The following AFG1L variants were observed in gnomAD, a reference collection of about 807,000 sequenced individuals.
The protein encoded by AFG1L is AFG1 like ATPase.
In AFG1L, 53 loss-of-function variants were observed where a neutral mutation model predicts 62.2. That is an observed-to-expected ratio of 0.85 (90% CI 0.68 to 1.07). AFG1L has a LOEUF of 1.07. Ranked by LOEUF, AFG1L falls within the 50% of genes least tolerant of loss-of-function variation. AFG1L has a pLI of 0.00. For missense variants in AFG1L, 555 were observed against 590.5 expected, an observed-to-expected ratio of 0.94 and a Z score of 0.62; for synonymous variants, 228 against 210.3, an observed-to-expected ratio of 1.08 and a Z score of -0.73.
chr6:108,479,728 A>C (rs1773257968), intron 10 of AFG1L, among the ~76,000 whole-genome samples: 1 of 152,206 alleles, frequency 6.6e-6, no homozygotes, highest in South Asian at 2.1e-4. Context: ...AATAATTGCC[A>C]AAAACCATTA....
At chr6:108,500,007 T>C (rs1774124734) in intron 10 of AFG1L, among the ~76,000 whole-genome samples, 1 of 152,156 alleles carries the variant, frequency 6.6e-6, no homozygotes, top group South Asian at 2.1e-4. Flanking sequence ...TATGTCCATG[T>C]GTACCCATTG....
At chr6:108,343,344 G>T (rs947762635) in intron 2 of AFG1L, among the ~76,000 whole-genome samples, 1 of 136,544 alleles carries the variant, frequency 7.3e-6, no homozygotes, top group African/African-American at 2.4e-5. Flanking sequence ...CACCACGCCC[G>T]GCCAACCTTT....
rs1478438542 is a variant in AFG1L, at chr6:108,477,292, A to G, written c.1062A>G (p.Arg354=). The G allele has an allele frequency of 2.5e-6, 4 of 1,591,658 alleles. No individual in the cohort carries two copies. Among genetic ancestry groups the G allele is most frequent in the Admixed American group, 1.7e-5 (1 of 57,774 alleles). The change falls in exon 10 of 13, where the codon AGA becomes AGG. Residue 354 remains arginine, a splice_region_variant and synonymous_variant. Coordinates refer to ENST00000368977, the MANE Select transcript of AFG1L (RefSeq NM_145315.5). ...GCACATTTGAAGAGCTGTGTGAGAG[A>G]GTAAGTATCCAGGCACGTCCAGACT... is the stretch of plus-strand genomic sequence containing the variant. The part of the protein sequence containing the change: ...ADCTFEELCE[R]PLGASDYLEL...
intron 6 of AFG1L, among the ~76,000 whole-genome samples, chr6:108,369,785 T>A (rs933613110): frequency 1.3e-5 from 2 of 152,072 alleles, no homozygotes; most frequent in Non-Finnish European, 2.9e-5. Context: ...ATTTTTGGTA[T>A]TTTTAGTAGA....
At chr6:108,314,461 A>T (rs1777518768) in intron 1 of AFG1L, among the ~76,000 whole-genome samples, 1 of 148,178 alleles carries the variant, frequency 6.7e-6, no homozygotes, top group South Asian at 2.1e-4. Context: ...CTGTGGTGCG[A>T]TCTAGGCTCA....
In AFG1L at chr6:108,525,953, G is replaced by A. The variant is rs1775300267; in HGVS notation, c.*3528G>A. 6.6e-6 allele frequency: 1 copy of A among 152,184 alleles called. No individual in the cohort carries two copies. The highest frequency in any genetic ancestry group is 6.5e-5 in the Admixed American group (1 of 15,282). 9.4% of individuals were successfully genotyped at this position (152,184 alleles called of 1,614,324 possible). ...TTGATCAGTTACGGGAATCTGTCTTGCAGCAAGTCTGTAAGTTACCTTTAT... is the reference window on the plus strand; with the variant it reads ...TTGATCAGTTACGGGAATCTGTCTTACAGCAAGTCTGTAAGTTACCTTTAT... On this transcript the variant is annotated 3_prime_UTR_variant, in exon 13 of 13. Coordinates refer to ENST00000368977, the MANE Select transcript of AFG1L (RefSeq NM_145315.5).
intron 2 of AFG1L, among the ~76,000 whole-genome samples, chr6:108,339,369 G>A (rs6922790): frequency 0.095 from 14,491 of 151,782 alleles, 1,941 homozygotes; most frequent in African/African-American, 0.3. Context: ...CAAACTCTTG[G>A]CCTCGAGTGA....
intron 8 of AFG1L, among the ~76,000 whole-genome samples, chr6:108,457,429 A>G (rs780451909): frequency 3.3e-5 from 5 of 152,032 alleles, no homozygotes; most frequent in Non-Finnish European, 7.4e-5. Context: ...CACTTGATGT[A>G]TAACATAAAA....
intron 6 of AFG1L, among the ~76,000 whole-genome samples, chr6:108,382,632 A>G (rs1269678133): frequency 6.6e-6 from 1 of 152,244 alleles, no homozygotes; most frequent in East Asian, 1.9e-4. Context: ...TAGTTCCTTA[A>G]TATGAATACC....
Position 108,354,497 on chromosome 6 carries a change from G to T in AFG1L, c.416-1157G>T, listed in dbSNP as rs559665396. ...TTTTTGTACTTTTAGTAGAGACAGG[G>T]TTTTGCCATGTTGACCAGGCCTGTC... On this transcript the variant is annotated intron_variant, in intron 3 of 12. Transcript: ENST00000368977. 1.4e-4 allele frequency among the ~76,000 whole-genome samples: 22 copies of T among 152,116 alleles called. No homozygotes were observed. The East Asian group carries it at 3.5e-3, about 24-fold the overall frequency.
chr6:108,388,643 T>C (rs1278905533), intron 6 of AFG1L, among the ~76,000 whole-genome samples: 3 of 151,520 alleles, frequency 2.0e-5, no homozygotes, highest in African/African-American at 7.3e-5. Context: ...TACCCAGTAG[T>C]CATTCAGGAG....
chr6:108,427,703 G>A (rs1434510275), intron 7 of AFG1L, among the ~76,000 whole-genome samples: 1 of 151,866 alleles, frequency 6.6e-6, no homozygotes, highest in Non-Finnish European at 1.5e-5. Context: ...TGTATTTTTA[G>A]TAGAGACAGG....
chr6:108,485,079 C>G (rs1430894982), intron 10 of AFG1L, among the ~76,000 whole-genome samples: 1 of 152,162 alleles, frequency 6.6e-6, no homozygotes, highest in Non-Finnish European at 1.5e-5. Context: ...ATGAAGAGAA[C>G]ACCTTCCTCC....
chr6:108,296,286 A>G (rs1043599436), intron 1 of AFG1L, among the ~76,000 whole-genome samples: 2 of 152,194 alleles, frequency 1.3e-5, no homozygotes, highest in Non-Finnish European at 2.9e-5. Flanking sequence ...TTAAAAGTAA[A>G]TAAATAAATA....
At chr6:108,470,558 A>G (rs1455314079) in intron 8 of AFG1L, among the ~76,000 whole-genome samples, 1 of 142,514 alleles carries the variant, frequency 7.0e-6, no homozygotes, top group African/African-American at 2.5e-5. Flanking sequence ...ACAAGAGGGA[A>G]ATATTACACT....
At chr6:108,511,708 G>A (rs1774658430) in intron 11 of AFG1L, among the ~76,000 whole-genome samples, 1 of 152,134 alleles carries the variant, frequency 6.6e-6, no homozygotes, top group African/African-American at 2.4e-5. Context: ...GAATTAGATA[G>A]ACCAGTGATT....
intron 11 of AFG1L, among the ~76,000 whole-genome samples, chr6:108,517,549 C>T (rs918851335): frequency 6.6e-6 from 1 of 152,120 alleles, no homozygotes; most frequent in Admixed American, 6.5e-5. Flanking sequence ...CCATAAAAAC[C>T]TTAGAAGAAA....
At chr6:108,382,860 T>TG (rs1232853118) in intron 6 of AFG1L, among the ~76,000 whole-genome samples, 3 of 152,202 alleles carry the variant, frequency 2.0e-5, no homozygotes, top group African/African-American at 7.2e-5. Flanking sequence ...AATTAGACCT[T>TG]GTTCAAGATT....
intron 3 of AFG1L, among the ~76,000 whole-genome samples, chr6:108,352,408 G>A (rs1779117097): frequency 6.6e-6 from 1 of 152,130 alleles, no homozygotes; most frequent in South Asian, 2.1e-4. Flanking sequence ...AAAATTTGAG[G>A]ATGCTCAAGT....
Sources: gnomAD v4.1 joint callset for allele counts (sites outside exome capture counted in the v4.1 genomes callset) on GRCh38, gnomAD v4.1.1 for gene constraint, MANE v1.5 for transcripts, NCBI Gene and HGNC (gene_info 2026-07-23, HGNC 2026-07-21) for gene names.